Variants in DPH6 observed in about 807,000 individuals in gnomAD.
The protein encoded by DPH6 is diphthamine biosynthesis 6, also known as diphthine--ammonia ligase.
DPH6 carries 33 observed loss-of-function variants against 38.2 expected under a neutral mutation model. That is an observed-to-expected ratio of 0.86 (90% CI 0.65 to 1.15). The LOEUF is 1.15. Among genes scored for constraint, DPH6 ranks in the 50% most tolerant of loss-of-function variants. The probability of loss-of-function intolerance (pLI) is 0.00; values close to 1 mark genes in which losing one functional copy is unlikely to be tolerated. For missense variants in DPH6, 325 were observed against 320.0 expected (o/e 1.02, Z -0.12); for synonymous variants, 108 against 103.0 (o/e 1.05, Z -0.30).
At chr15:35,339,113 C>T (rs1467715218) in intron 3 of DPH6, among the ~76,000 whole-genome samples, 1 of 151,930 alleles carries the variant, frequency 6.6e-6, no homozygotes. Context: ...AGCACAGCAA[C>T]ATGGCACATG....
chr15:35,192,601 G>A, the DPH6 span, among the ~76,000 whole-genome samples: 1 of 152,156 alleles, frequency 6.6e-6, no homozygotes, highest in South Asian at 2.1e-4. Context: ...TTGGGATTAA[G>A]CTTGAGTATT....
chr15:35,166,632 T>C, the DPH6 span, among the ~76,000 whole-genome samples: 3 of 152,018 alleles, frequency 2.0e-5, no homozygotes, highest in African/African-American at 7.2e-5. Context: ...TATAGGCAGT[T>C]AAAAGATAAT....
intron 1 of DPH6, among the ~76,000 whole-genome samples, chr15:35,542,956 A>ATATATATATATG (rs1372654043): frequency 5.3e-5 from 6 of 112,666 alleles, no homozygotes; most frequent in African/African-American, 2.0e-4. Flanking sequence ...ATATATATAT[A>ATATATATATATG]TATATATATA....
chr15:35,237,254 A>G (rs2051559492), intron 3 of DPH6: 2 of 1,367,466 alleles, frequency 1.5e-6, no homozygotes, highest in South Asian at 1.2e-5. Flanking sequence ...GAGCCTTGAA[A>G]GTGCTAAAAC....
chr15:35,502,134 C>T (rs2054635529), intron 3 of DPH6, among the ~76,000 whole-genome samples: 1 of 151,978 alleles, frequency 6.6e-6, no homozygotes, highest in Non-Finnish European at 1.5e-5. Context: ...TACTGCTATT[C>T]TGGACTTCTC....
chr15:35,185,174 A>C, the DPH6 span, among the ~76,000 whole-genome samples: 4 of 152,178 alleles, frequency 2.6e-5, no homozygotes, highest in African/African-American at 4.8e-5. Flanking sequence ...AACCACTGAC[A>C]TTATATCTAC....
intron 3 of DPH6, among the ~76,000 whole-genome samples, chr15:35,305,816 A>G (rs969919643): frequency 6.6e-6 from 1 of 152,202 alleles, no homozygotes; most frequent in African/African-American, 2.4e-5. Flanking sequence ...AGCATGACAT[A>G]AATACTCAGA....
chr15:35,165,848 C>G, the DPH6 span, among the ~76,000 whole-genome samples: 1 of 151,890 alleles, frequency 6.6e-6, no homozygotes, highest in African/African-American at 2.4e-5. Flanking sequence ...ATAGAGTATA[C>G]AAGATTTAGA....
chr15:35,345,906 G>A (rs1379386547), intron 3 of DPH6, among the ~76,000 whole-genome samples: 1 of 151,826 alleles, frequency 6.6e-6, no homozygotes, highest in Non-Finnish European at 1.5e-5. Flanking sequence ...TGCCCTACAG[G>A]GTGATAAAAT....
chr15:35,177,580 CAAAAA>C, the DPH6 span, among the ~76,000 whole-genome samples: 10 of 60,242 alleles, frequency 1.7e-4, no homozygotes, highest in East Asian at 1.9e-3. Flanking sequence ...ATCCCATCTC[CAAAAA>C]AAAAAAAAAA....
At chr15:35,214,700 C>T (rs1021248933), downstream of DPH6, among the ~76,000 whole-genome samples, 8 of 152,272 alleles carry the variant, frequency 5.3e-5, no homozygotes, top group Admixed American at 1.3e-4. Context: ...CTCCGCCTCA[C>T]GGGTTCAAGT....
downstream of DPH6, among the ~76,000 whole-genome samples, chr15:35,327,099 A>G (rs1277954029): frequency 1.3e-5 from 2 of 152,206 alleles, no homozygotes; most frequent in African/African-American, 4.8e-5. Context: ...CAAAGGCCCT[A>G]TAAAATGTCC....
At chr15:35,404,521 T>C (rs2053264505) in intron 6 of DPH6, among the ~76,000 whole-genome samples, 1 of 152,210 alleles carries the variant, frequency 6.6e-6, no homozygotes, top group Non-Finnish European at 1.5e-5. Context: ...CTTGTGTGTC[T>C]TCTTTTGAGA....
At chr15:35,383,964 T>C (rs910001121) in intron 6 of DPH6, among the ~76,000 whole-genome samples, 37 of 152,368 alleles carry the variant, frequency 2.4e-4, no homozygotes, top group African/African-American at 8.4e-4. Flanking sequence ...ATGCATGTGA[T>C]AGGTCAGTTT....
intron 3 of DPH6, among the ~76,000 whole-genome samples, chr15:35,465,451 A>G (rs1037256947): frequency 1.3e-5 from 2 of 152,238 alleles, no homozygotes; most frequent in East Asian, 1.9e-4. Flanking sequence ...CGAGAAATTT[A>G]TATGGCAAGT....
intron 3 of DPH6, among the ~76,000 whole-genome samples, chr15:35,492,356 G>C (rs1455148149): frequency 6.6e-6 from 1 of 152,050 alleles, no homozygotes; most frequent in South Asian, 2.1e-4. Context: ...TATCACAGAG[G>C]ACAATAAAGG....
intron 3 of DPH6, among the ~76,000 whole-genome samples, chr15:35,303,693 T>C (rs1001988408): frequency 1.2e-4 from 18 of 150,334 alleles, no homozygotes; most frequent in Non-Finnish European, 1.6e-4. Context: ...AGCTCTGGAG[T>C]TAAAAAAAAA....
chr15:35,497,671 T>G (rs1182035601), intron 3 of DPH6, among the ~76,000 whole-genome samples: 1 of 152,094 alleles, frequency 6.6e-6, no homozygotes, highest in East Asian at 1.9e-4. Context: ...TCGATAAAAA[T>G]GTCAAACAAC....
intron 3 of DPH6, among the ~76,000 whole-genome samples, chr15:35,455,934 C>A (rs1175307677): frequency 6.6e-6 from 1 of 152,098 alleles, no homozygotes; most frequent in East Asian, 1.9e-4. Flanking sequence ...ACTGAAATAA[C>A]CCTGTGTACC....
Sources: gnomAD v4.1 joint callset for allele counts (sites outside exome capture counted in the v4.1 genomes callset) on GRCh38, gnomAD v4.1.1 for gene constraint, MANE v1.5 for transcripts, NCBI Gene and HGNC (gene_info 2026-07-23, HGNC 2026-07-21) for gene names.